CTNNA3: variants seen among roughly 807,000 people sequenced by gnomAD.
The protein encoded by CTNNA3 is catenin alpha 3.
In CTNNA3, 76 loss-of-function variants were observed where a neutral mutation model predicts 95.7. The observed-to-expected ratio is 0.79, with a 90% CI of 0.66 to 0.96. The LOEUF (loss-of-function observed/expected upper bound fraction) is 0.96, where lower values mean the gene tolerates loss of function less well. Among genes scored for constraint, CTNNA3 ranks in the 40% least tolerant of loss-of-function variants. The pLI is 0.00. For missense variants in CTNNA3, 1,191 were observed against 1,089.8 expected (o/e 1.09, Z -1.31); for synonymous variants, 431 against 374.4 (o/e 1.15, Z -1.74).
At chr10:66,571,463 G>C (rs1564540531) in intron 10 of CTNNA3, among the ~76,000 whole-genome samples, 1 of 152,162 alleles carries the variant, frequency 6.6e-6, no homozygotes, top group Non-Finnish European at 1.5e-5. Flanking sequence ...TCATGGATGA[G>C]GAAATTGGCT....
At chr10:66,765,636 G>A (rs1839816689) in intron 9 of CTNNA3, among the ~76,000 whole-genome samples, 1 of 151,616 alleles carries the variant, frequency 6.6e-6, no homozygotes, top group South Asian at 2.1e-4. Flanking sequence ...CCATAATACA[G>A]TAAGTTCTAT....
At chr10:67,398,026 G>C (rs1429802910) in intron 5 of CTNNA3, among the ~76,000 whole-genome samples, 1 of 152,242 alleles carries the variant, frequency 6.6e-6, no homozygotes, top group Non-Finnish European at 1.5e-5. Flanking sequence ...ACCTCTGCTA[G>C]GAAGTGTGGA....
intron 5 of CTNNA3, among the ~76,000 whole-genome samples, chr10:67,465,306 C>T (rs1343797450): frequency 2.6e-5 from 4 of 151,978 alleles, no homozygotes; most frequent in Non-Finnish European, 5.9e-5. Flanking sequence ...AATCGCCCAA[C>T]TCAAAATACC....
intron 1 of CTNNA3, among the ~76,000 whole-genome samples, chr10:67,671,491 T>C (rs1269268701): frequency 3.3e-5 from 5 of 150,110 alleles, no homozygotes; most frequent in Non-Finnish European, 7.4e-5. Flanking sequence ...GTATATCTCC[T>C]AATGCTATCC....
chr10:66,731,842 AACTAAAGAAT>A (rs1417638254), intron 9 of CTNNA3, among the ~76,000 whole-genome samples: 1 of 152,160 alleles, frequency 6.6e-6, no homozygotes, highest in Admixed American at 6.5e-5. Context: ...TGACATTCCA[AACTAAAGAAT>A]ACTAATGAAT....
intron 13 of CTNNA3, among the ~76,000 whole-genome samples, chr10:66,133,344 A>G (rs1022751418): frequency 2.6e-5 from 4 of 151,842 alleles, no homozygotes; most frequent in Non-Finnish European, 4.4e-5. Context: ...GCGAAACCCC[A>G]TCTCCACTAA....
At chr10:67,411,840 T>C (rs964939895) in intron 5 of CTNNA3, among the ~76,000 whole-genome samples, 1 of 152,072 alleles carries the variant, frequency 6.6e-6, no homozygotes. Context: ...GACTGGTGAT[T>C]GTGCAAAATA....
At chr10:67,098,600 T>G (rs1006885324) in intron 7 of CTNNA3, 3 of 152,348 alleles carry the variant, frequency 2.0e-5, no homozygotes, top group African/African-American at 7.2e-5. Context: ...ACTCATTATT[T>G]CATTCTTTTG....
At chr10:66,800,693 A>G (rs1047519881) in intron 7 of CTNNA3, among the ~76,000 whole-genome samples, 1 of 151,364 alleles carries the variant, frequency 6.6e-6, no homozygotes, top group African/African-American at 2.4e-5. Flanking sequence ...AACTACAACT[A>G]TATAGGAACT....
chr10:66,581,695 G>A (rs953155984), intron 10 of CTNNA3, among the ~76,000 whole-genome samples: 2 of 151,440 alleles, frequency 1.3e-5, no homozygotes, highest in African/African-American at 4.8e-5. Context: ...GCTTTTAGGG[G>A]TCTTAGTTAT....
chr10:66,797,078 T>TG (rs1357620409), intron 7 of CTNNA3, among the ~76,000 whole-genome samples: 1 of 147,680 alleles, frequency 6.8e-6, no homozygotes, highest in African/African-American at 2.6e-5. Flanking sequence ...CTTGTAAATT[T>TG]GTTTTTTTTT....
At position 65,914,697 on chromosome 10, in the gene CTNNA3, C is replaced by T. The variant is rs991677064; in HGVS notation, c.*5633G>A. ...GGTGTTAACAAATGGTATTAACCAA[C>T]CAATACTGAAGATGGGCTGAAACAG... is the stretch of plus-strand genomic sequence containing the variant. On this transcript the variant is annotated 3_prime_UTR_variant, in exon 18 of 18. Transcript: ENST00000433211. The T allele has an allele frequency of 6.6e-6, 1 of 152,102 alleles. No homozygotes were observed. The highest frequency in any genetic ancestry group is 6.6e-5 in the Admixed American group (1 of 15,252). The allele number at this position is 152,102 out of a possible 1,614,324, so 9.4% of individuals were successfully genotyped here.
At chr10:67,518,391 T>A (rs1317880410) in intron 5 of CTNNA3, among the ~76,000 whole-genome samples, 1 of 152,114 alleles carries the variant, frequency 6.6e-6, no homozygotes, top group Non-Finnish European at 1.5e-5. Flanking sequence ...AAATACGAAG[T>A]TATATAAACC....
chr10:66,421,307 CAT>C (rs2093191335), intron 11 of CTNNA3, among the ~76,000 whole-genome samples: 1 of 152,148 alleles, frequency 6.6e-6, no homozygotes, highest in South Asian at 2.1e-4. Context: ...TAAGTACAAA[CAT>C]GTAATTAGAT....
chr10:66,445,346 C>T (rs563620657), intron 11 of CTNNA3, among the ~76,000 whole-genome samples: 44 of 152,178 alleles, frequency 2.9e-4, no homozygotes, highest in African/African-American at 8.2e-4. Context: ...CAGAACTCTC[C>T]ACCCCAAATC....
At chr10:67,587,363 G>A (rs547562263) in intron 3 of CTNNA3, among the ~76,000 whole-genome samples, 119 of 152,122 alleles carry the variant, frequency 7.8e-4, no homozygotes, top group Admixed American at 1.8e-3. Context: ...CTCAGCCTAA[G>A]TTCAGGATTC....
chr10:67,416,441 T>C (rs1845543038), intron 5 of CTNNA3, among the ~76,000 whole-genome samples: 1 of 151,458 alleles, frequency 6.6e-6, no homozygotes. Flanking sequence ...ACCCTGTCTC[T>C]ACTAAAAATA....
Position 67,219,638 on chromosome 10 carries a change from G to A in CTNNA3, c.812C>T (p.Ala271Val). 6.2e-7 allele frequency: 1 copy of A among 1,613,894 alleles called. No individual in the cohort carries two copies. The highest frequency in any genetic ancestry group is 8.5e-7 in the Non-Finnish European group (1 of 1,179,904). ...CTCATCAAGGGCACTTCCCAGGGTT[G>A]CTGCCTGAGGTTCTGGTGGGGTTGT... ...NMTTPPEPQAATLGSALDELE... is the reference protein window; with the variant it reads ...NMTTPPEPQAVTLGSALDELE... The change falls in exon 6 of 18, where the codon GCA (alanine) becomes GTA (valine). Residue 271 changes from alanine to valine, a missense_variant. Coordinates refer to ENST00000433211, the MANE Select transcript of CTNNA3 (RefSeq NM_013266.4).
intron 10 of CTNNA3, among the ~76,000 whole-genome samples, chr10:66,597,793 A>C (rs1269773676): frequency 6.6e-6 from 1 of 151,704 alleles, no homozygotes; most frequent in Non-Finnish European, 1.5e-5. Context: ...CCTTCCAAGA[A>C]ATAAAAGATA....
Sources: gnomAD v4.1 joint callset for allele counts (sites outside exome capture counted in the v4.1 genomes callset) on GRCh38, gnomAD v4.1.1 for gene constraint, MANE v1.5 for transcripts, NCBI Gene and HGNC (gene_info 2026-07-23, HGNC 2026-07-21) for gene names.